Variants in GALNT15 observed in about 807,000 individuals in gnomAD.
GALNT15 encodes the protein polypeptide N-acetylgalactosaminyltransferase 15.
Under a neutral mutation model 66.8 loss-of-function variants are expected in GALNT15, and 67 were observed. The observed-to-expected ratio is 1.00, with a 90% CI of 0.82 to 1.23. GALNT15 has a LOEUF of 1.23. Ranked by LOEUF, GALNT15 falls within the 50% of genes most tolerant of loss-of-function variation. The pLI, the probability that GALNT15 is intolerant of heterozygous loss-of-function variation, is 0.00. For synonymous variants in GALNT15, 313 were observed against 311.5 expected (o/e 1.00, Z -0.05); for missense variants, 827 against 804.3 (o/e 1.03, Z -0.34).
At chr3:16,233,643 T>A (rs571552655), downstream of GALNT15, among the ~76,000 whole-genome samples, 20 of 152,244 alleles carry the variant, frequency 1.3e-4, no homozygotes, top group South Asian at 3.9e-3. Flanking sequence ...CAGCACCAGG[T>A]TTTTGTGGTA....
intron 1 of GALNT15, among the ~76,000 whole-genome samples, chr3:16,178,404 G>A (rs2124834097): frequency 6.6e-6 from 1 of 152,274 alleles, no homozygotes; most frequent in African/African-American, 2.4e-5. Context: ...CCAGGCAGTC[G>A]GGAGGAAACT....
At chr3:16,220,941 A>C (rs1015983526) in intron 8 of GALNT15, among the ~76,000 whole-genome samples, 1 of 152,248 alleles carries the variant, frequency 6.6e-6, no homozygotes, top group Non-Finnish European at 1.5e-5. Context: ...GGACATACTG[A>C]TAGGCATTCA....
At chr3:16,232,490 AT>A (rs1559698364), downstream of GALNT15, among the ~76,000 whole-genome samples, 24 of 82,768 alleles carry the variant, frequency 2.9e-4, 3 homozygotes, top group African/African-American at 1.2e-3. Context: ...ATATATATAT[AT>A]ATATATATAT....
chr3:16,202,328 T>C (rs1281304434), intron 3 of GALNT15, among the ~76,000 whole-genome samples: 1 of 152,130 alleles, frequency 6.6e-6, no homozygotes, highest in Non-Finnish European at 1.5e-5. Context: ...GGACAAGAAC[T>C]AGGACACAAA....
chr3:16,190,612 T>A (rs1383912443), intron 1 of GALNT15, among the ~76,000 whole-genome samples: 1 of 127,860 alleles, frequency 7.8e-6, no homozygotes, highest in African/African-American at 3.1e-5. Context: ...CACTCCAGCC[T>A]GGGGGACAGA....
chr3:16,246,333 T>C, the GALNT15 span, among the ~76,000 whole-genome samples: 1 of 145,574 alleles, frequency 6.9e-6, no homozygotes, highest in African/African-American at 2.6e-5. Flanking sequence ...TTTTTTTTTT[T>C]TTTTTTTTTT....
At position 16,228,457 on chromosome 3, in the gene GALNT15, A is replaced by G. The variant is rs1429495661; in HGVS notation, c.*957A>G. ...GGGGTTTGAGACCAGCCTGGTCAAC[A>G]TTGCAAAACCTTGTCTCTACTAAAA... On this transcript the variant is annotated 3_prime_UTR_variant, in exon 10 of 10. Transcript: ENST00000339732. 6 of 638,582 alleles carry G rather than the reference A, an allele frequency of 9.4e-6. No homozygotes were observed. The highest frequency in any genetic ancestry group is 1.3e-4 in the Admixed American group (2 of 15,856). The allele number at this position is 638,582 out of a possible 1,614,324, so 39.6% of individuals were successfully genotyped here.
Position 16,219,958 on chromosome 3 carries a change from G to T in GALNT15, c.1573G>T (p.Asp525Tyr). The change falls in exon 8 of 10, where the codon GAC becomes TAC. Residue 525 changes from aspartate to tyrosine, a missense_variant. Asp to Tyr is a radical substitution (Grantham distance 160). Transcript: ENST00000339732. The surrounding 1 kb of genome is among the most constrained non-coding windows in gnomAD (Gnocchi z 4.3). ...CTGTGCAGACTGCCAGGCAGAAGGG[G>T]ACATCCTGGGCTGTCCCATGGTGTT... is the stretch of plus-strand genomic sequence containing the variant. ...GLCADCQAEG[D>Y]ILGCPMVLAP... is the part of the protein sequence containing the mutation. The T allele has an allele frequency of 6.2e-7, 1 of 1,614,220 alleles. No homozygotes were observed. Among genetic ancestry groups the T allele is most frequent in the Non-Finnish European group, 8.5e-7 (1 of 1,180,028 alleles).
At chr3:16,196,036 C>A in intron 2 of GALNT15, 110 bp downstream of exon 2, 2 of 1,073,364 alleles carry the variant, frequency 1.9e-6, no homozygotes, top group Admixed American at 2.2e-5. Context: ...GATTCCCCAA[C>A]TACAGACCTC....
rs201820922 is a variant in GALNT15 at position 16,227,383 on chromosome 3, G to A, written c.1803G>A (p.Gly601=). ...GGATGATTGTCCACATTCTTTCTGG[G>A]AAATGCATGGAAGCTGTGGTGCAAG... is the stretch of plus-strand genomic sequence containing the variant. ...ENGMIVHILS[G]KCMEAVVQEN... is the part of the protein sequence containing the mutation. Residue 601 remains glycine (G), a synonymous_variant, in exon 10 of 10, where the codon GGG becomes GGA. Transcript: ENST00000339732. This position sits in a 1 kb window ranked among gnomAD's most constrained non-coding sequence, Gnocchi z 4.5. 4 of 1,613,690 alleles carry A rather than the reference G, an allele frequency of 2.5e-6. No homozygotes were observed. The highest frequency in any genetic ancestry group is 3.4e-6 in the Non-Finnish European group (4 of 1,179,884).
intron 3 of GALNT15, among the ~76,000 whole-genome samples, chr3:16,201,047 C>T (rs191544860): frequency 2.7e-4 from 41 of 152,206 alleles, no homozygotes; most frequent in Middle Eastern, 6.8e-3. Flanking sequence ...ATAAAGAAAC[C>T]GAGGCCTGGA....
chr3:16,220,409 A>T (rs1410979175), intron 8 of GALNT15, among the ~76,000 whole-genome samples: 1 of 152,188 alleles, frequency 6.6e-6, no homozygotes, highest in African/African-American at 2.4e-5. Context: ...CAGGATAAGG[A>T]TCTAGAGAAA....
intron 6 of GALNT15, among the ~76,000 whole-genome samples, chr3:16,213,452 CAAAAA>C (rs3055462): frequency 3.1e-5 from 2 of 63,828 alleles, no homozygotes; most frequent in Non-Finnish European, 5.4e-5. Flanking sequence ...AACTCCATCT[CAAAAA>C]AAAAAAAAAA....
At chr3:16,197,814 A>G (rs1314438835) in intron 2 of GALNT15, among the ~76,000 whole-genome samples, 1 of 152,220 alleles carries the variant, frequency 6.6e-6, no homozygotes, top group Non-Finnish European at 1.5e-5. Flanking sequence ...TGAGGATCAT[A>G]CCAGCTTTTT....
At chr3:16,245,923 G>T in the GALNT15 span, among the ~76,000 whole-genome samples, 1 of 152,166 alleles carries the variant, frequency 6.6e-6, no homozygotes, top group African/African-American at 2.4e-5. Flanking sequence ...TCTGCAATAT[G>T]GTATATGGGT....
intron 4 of GALNT15, among the ~76,000 whole-genome samples, chr3:16,210,816 CT>C (rs2063804700): frequency 1.3e-5 from 2 of 152,212 alleles, no homozygotes; most frequent in African/African-American, 4.8e-5. Flanking sequence ...TCCCAAACAT[CT>C]TTCCAGAGGG....
At chr3:16,198,757 A>G (rs1436364811) in intron 2 of GALNT15, among the ~76,000 whole-genome samples, 1 of 141,818 alleles carries the variant, frequency 7.1e-6, no homozygotes, top group Admixed American at 7.2e-5. Context: ...ACTGCTCAGG[A>G]CATTGTTCAC....
In GALNT15 at chr3:16,183,100, G is replaced by A. The variant is rs2063485760; in HGVS notation, c.539+7410G>A. On this transcript the variant is annotated intron_variant, in intron 1 of 9. Coordinates refer to ENST00000339732, the MANE Select transcript of GALNT15 (RefSeq NM_054110.5). This position sits in a 1 kb window ranked among gnomAD's most constrained non-coding sequence, Gnocchi z 5.2. ...GTGTGTGCCTGTCTCTGGTTCAGAG[G>A]TAGATGCCAGGATCAGAGCAAGCCA... 6.6e-6 allele frequency: 1 copy of A among 152,310 alleles called. No homozygotes were observed. The highest frequency in any genetic ancestry group is 6.5e-5 in the Admixed American group (1 of 15,284). 9.4% of individuals were successfully genotyped at this position (152,310 alleles called of 1,614,324 possible).
In GALNT15 at chr3:16,204,235, T is replaced by G. The variant is rs540202248; in HGVS notation, c.911+3412T>G. ...AGCCATGTGGCAACTTTATTTGAAT[T>G]GGTAGAAATCCCTTCCTCATGACCA... On this transcript the variant is annotated intron_variant, in intron 3 of 9. Transcript: ENST00000339732. The surrounding 1 kb of genome is among the most constrained non-coding windows in gnomAD (Gnocchi z 4.5). Among the ~76,000 whole-genome samples, 1 of 152,266 alleles carries G rather than the reference T, an allele frequency of 6.6e-6. No homozygotes were observed. The highest frequency in any genetic ancestry group is 2.4e-5 in the African/African-American group (1 of 41,562).
Sources: gnomAD v4.1 joint callset for allele counts (sites outside exome capture counted in the v4.1 genomes callset) on GRCh38, gnomAD v4.1.1 for gene constraint, Gnocchi (gnomAD v3.1) non-coding constraint, MANE v1.5 for transcripts, NCBI Gene and HGNC (gene_info 2026-07-23, HGNC 2026-07-21) for gene names.